The following NUP160 variants were observed in gnomAD, a reference collection of about 807,000 sequenced individuals.
The protein encoded by NUP160 is nucleoporin 160, also known as nuclear pore complex protein Nup160.
NUP160 carries 94 observed loss-of-function variants against 196.9 expected under a neutral mutation model. The observed-to-expected ratio is 0.48, with a 90% CI of 0.40 to 0.57. NUP160 has a LOEUF of 0.57. Ranked by LOEUF, NUP160 falls within the 20% of genes least tolerant of loss-of-function variation. NUP160 has a pLI of 0.00. For synonymous variants in NUP160, 605 were observed against 619.7 expected (o/e 0.98, Z 0.35); for missense variants, 1,638 against 1,748.3 (o/e 0.94, Z 1.13).
Position 47,834,154 on chromosome 11 carries a change from G to A in NUP160, c.1101+1497C>T, listed in dbSNP as rs183537657. Reference sequence around the variant, plus strand: ...CAGTTTTAATTTCTAATAAATTATAGGTATAACCCATATAAACAAAAGCTC... The same window carrying A: ...CAGTTTTAATTTCTAATAAATTATAAGTATAACCCATATAAACAAAAGCTC... On this transcript the variant is annotated intron_variant, in intron 7 of 35. Transcript: ENST00000378460. Among the ~76,000 whole-genome samples the A allele has an allele frequency of 3.9e-4, 60 of 152,062 alleles. 1 individual carries two copies. The highest frequency in any genetic ancestry group is 3.5e-3 in the Admixed American group (54 of 15,274).
intron 7 of NUP160, among the ~76,000 whole-genome samples, chr11:47,825,937 T>TGAC (rs2135389291): frequency 6.6e-6 from 1 of 152,218 alleles, no homozygotes; most frequent in African/African-American, 2.4e-5. Context: ...AGAGTGATGA[T>TGAC]GACCCTTATA....
chr11:47,786,514 C>T, exon 32 of NUP160: 1 of 1,613,952 alleles, frequency 6.2e-7, no homozygotes, highest in South Asian at 1.1e-5. Context: ...GCCCAGGCTT[C>T]TGCTTGTGCT....
At chr11:47,788,213 A>AAAC (rs1254338028) in exon 31 of NUP160, 1 of 1,613,898 alleles carries the variant, frequency 6.2e-7, no homozygotes, top group Non-Finnish European at 8.5e-7. Flanking sequence ...ACTGGCGTTA[A>AAAC]GGGAAGCTTA....
exon 4 of NUP160, chr11:47,839,930 G>A (rs952936947): frequency 5.6e-6 from 9 of 1,614,056 alleles, no homozygotes; most frequent in Non-Finnish European, 7.6e-6. Flanking sequence ...TCACTGCTGA[G>A]CCAGGCTGTA....
chr11:47,823,333 C>G (rs1851901781), intron 7 of NUP160, among the ~76,000 whole-genome samples: 1 of 152,170 alleles, frequency 6.6e-6, no homozygotes, highest in Non-Finnish European at 1.5e-5. Context: ...AAACTCTATA[C>G]TCAATAAACA....
At chr11:47,792,259 G>A (rs946071218) in intron 28 of NUP160, 33 of 369,634 alleles carry the variant, frequency 8.9e-5, no homozygotes, top group Non-Finnish European at 1.5e-4. Flanking sequence ...CGGCTCCAGA[G>A]TTATATATAA....
chr11:47,780,427 G>C (rs1258771821), exon 35 of NUP160: 6 of 1,613,148 alleles, frequency 3.7e-6, no homozygotes, highest in Non-Finnish European at 5.1e-6. Flanking sequence ...ACACCATTGG[G>C]GCTGTTGCGG....
chr11:47,806,798 C>T (rs879366865), intron 19 of NUP160, among the ~76,000 whole-genome samples: 7,995 of 43,242 alleles, frequency 0.18, 343 homozygotes, highest in Non-Finnish European at 0.25. Context: ...TATACACACA[C>T]ACACACACAC....
intron 9 of NUP160, chr11:47,821,473 A>T: frequency 2.5e-6 from 1 of 405,806 alleles, no homozygotes; most frequent in East Asian, 4.4e-5. Context: ...TTCTCATGCT[A>T]CAGCCTTGCC....
intron 7 of NUP160, among the ~76,000 whole-genome samples, chr11:47,835,194 G>A (rs986850166): frequency 1.3e-5 from 2 of 152,128 alleles, no homozygotes; most frequent in African/African-American, 4.8e-5. Context: ...TTATTAATGT[G>A]CATAAAGGGA....
chr11:47,810,373 T>A (rs1223333586), intron 17 of NUP160, among the ~76,000 whole-genome samples: 1 of 151,816 alleles, frequency 6.6e-6, no homozygotes, highest in Non-Finnish European at 1.5e-5. Context: ...AATTTTTGTA[T>A]TTTTTTGTAG....
At chr11:47,779,240 GA>G in intron 35 of NUP160, 46 bp from the exon 36 acceptor site, 1 of 1,222,066 alleles carries the variant, frequency 8.2e-7, no homozygotes, top group Non-Finnish European at 1.2e-6. Flanking sequence ...CTCAACAATG[GA>G]AAAATATTGA....
intron 29 of NUP160, among the ~76,000 whole-genome samples, chr11:47,789,287 C>T (rs1204972045): frequency 6.6e-6 from 1 of 152,170 alleles, no homozygotes; most frequent in Admixed American, 6.5e-5. Context: ...GATTACAAGG[C>T]ATGAGCCACT....
chr11:47,811,682 T>C (rs2097681221), intron 17 of NUP160, among the ~76,000 whole-genome samples: 1 of 152,150 alleles, frequency 6.6e-6, no homozygotes, highest in African/African-American at 2.4e-5. Flanking sequence ...TTTTAAAATC[T>C]ACTGTTAAGT....
chr11:47,824,706 G>A (rs112773504), intron 7 of NUP160, among the ~76,000 whole-genome samples: 18 of 151,992 alleles, frequency 1.2e-4, no homozygotes, highest in African/African-American at 3.9e-4. Context: ...TGACATGATC[G>A]TAGCTCAACG....
At chr11:47,796,263 A>G (rs1351228776) in intron 27 of NUP160, 4 of 682,262 alleles carry the variant, frequency 5.9e-6, no homozygotes, top group African/African-American at 3.6e-5. Context: ...AGTAGGATCA[A>G]TCAGAAAGCT....
Position 47,809,444 on chromosome 11 carries a change from ATAAT to A in NUP160, c.2242-919_2242-916del, listed in dbSNP as rs201477059. Among the ~76,000 whole-genome samples, 1,235 of 151,946 alleles carry A rather than the reference ATAAT, an allele frequency of 8.1e-3. 20 individuals carry two copies. Among genetic ancestry groups the A allele is most frequent in the African/African-American group, 0.028 (1,161 of 41,438 alleles). ...AGTTTTTAGAACTTATTCTAGAGAT[ATAAT>A]TAAAGATGTACAGAAAGTGGCCAGG... is the stretch of plus-strand genomic sequence containing the variant. On this transcript the variant is annotated intron_variant, in intron 17 of 35. Transcript: ENST00000378460.
intron 34 of NUP160, among the ~76,000 whole-genome samples, chr11:47,780,973 T>C (rs1274299760): frequency 1.3e-5 from 2 of 152,062 alleles, no homozygotes; most frequent in African/African-American, 4.8e-5. Context: ...GGGCCTGTAA[T>C]TCCAACGTTT....
At chr11:47,787,363 C>T (rs1197094802) in intron 31 of NUP160, among the ~76,000 whole-genome samples, 4 of 151,820 alleles carry the variant, frequency 2.6e-5, no homozygotes, top group Admixed American at 2.0e-4. Context: ...GATGGCATTA[C>T]AGGCGTAAGC....
Sources: gnomAD v4.1 joint callset for allele counts (sites outside exome capture counted in the v4.1 genomes callset) on GRCh38, gnomAD v4.1.1 for gene constraint, MANE v1.5 for transcripts, NCBI Gene and HGNC (gene_info 2026-07-23, HGNC 2026-07-21) for gene names.